The following HIPK2 variants were observed in gnomAD, a reference collection of about 807,000 sequenced individuals.
HIPK2 encodes the protein homeodomain-interacting protein kinase 2.
Under a neutral mutation model 113.7 loss-of-function variants are expected in HIPK2, and 27 were observed. The observed-to-expected ratio is 0.24, with a 90% CI of 0.17 to 0.33. HIPK2 has a LOEUF of 0.33. Ranked by LOEUF, HIPK2 falls within the 10% of genes least tolerant of loss-of-function variation. HIPK2 has a pLI of 1.00. For synonymous variants in HIPK2, 631 were observed against 642.2 expected (o/e 0.98, Z 0.26); for missense variants, 1,257 against 1,588.0 (o/e 0.79, Z 3.54).
In HIPK2 at chr7:139,717,691, A is replaced by G. The variant is rs1328176250; in HGVS notation, c.20-676T>C. Among the ~76,000 whole-genome samples the G allele has an allele frequency of 2.6e-5, 4 of 152,126 alleles. No homozygotes were observed. In the East Asian group the frequency reaches 5.8e-4, roughly 22 times the overall value. On this transcript the variant is annotated intron_variant, in intron 1 of 14. Coordinates refer to ENST00000406875, the MANE Select transcript of HIPK2 (RefSeq NM_022740.5). ...CACTCACGCTTCCTGCTAAATTCAT[A>G]TATCAATACATTTCTCTAGAAAGTA... is the stretch of plus-strand genomic sequence containing the variant.
At chr7:139,689,613 T>C (rs932064587) in intron 2 of HIPK2, among the ~76,000 whole-genome samples, 9 of 152,052 alleles carry the variant, frequency 5.9e-5, no homozygotes, top group Non-Finnish European at 1.0e-4. Flanking sequence ...TGTGCAGAAA[T>C]GTTTCTCACC....
intron 7 of HIPK2, among the ~76,000 whole-genome samples, chr7:139,614,832 A>G (rs964670330): frequency 1.3e-5 from 2 of 152,330 alleles, no homozygotes; most frequent in African/African-American, 4.8e-5. Flanking sequence ...TGTTTAATAA[A>G]ATGTTCTGCC....
intron 13 of HIPK2, among the ~76,000 whole-genome samples, chr7:139,582,305 T>G (rs1798692364): frequency 6.6e-6 from 1 of 152,202 alleles, no homozygotes; most frequent in South Asian, 2.1e-4. Flanking sequence ...ACCAGAATGC[T>G]CGCCCTGGCA....
chr7:139,753,923 A>G (rs1237136401), intron 1 of HIPK2, among the ~76,000 whole-genome samples: 1 of 152,258 alleles, frequency 6.6e-6, no homozygotes, highest in East Asian at 1.9e-4. Context: ...CTTGGAAATG[A>G]AGACTGGCAC....
At chr7:139,632,821 T>C (rs1800663860) in intron 2 of HIPK2, among the ~76,000 whole-genome samples, 1 of 152,060 alleles carries the variant, frequency 6.6e-6, no homozygotes, top group South Asian at 2.1e-4. Context: ...CTCATGCCTG[T>C]TATCCCAGCA....
intron 2 of HIPK2, among the ~76,000 whole-genome samples, chr7:139,688,757 C>T (rs1794305813): frequency 6.6e-6 from 1 of 152,038 alleles, no homozygotes; most frequent in South Asian, 2.1e-4. Context: ...CCTCTTCCCA[C>T]CTCCCACCTC....
chr7:139,626,467 G>C, intron 6 of HIPK2, 134 bp downstream of exon 6: 1 of 867,178 alleles, frequency 1.2e-6, no homozygotes, highest in Non-Finnish European at 1.8e-6. Flanking sequence ...TATTGCATCT[G>C]TGGCTGCTTT....
chr7:139,647,578 T>A (rs11761236), intron 2 of HIPK2, among the ~76,000 whole-genome samples: 29,745 of 152,142 alleles, frequency 0.2, 3,038 homozygotes, highest in South Asian at 0.23. Context: ...GGAGTTTGTA[T>A]CTATCTATCA....
chr7:139,592,556 G>C (rs1186201287), intron 12 of HIPK2, among the ~76,000 whole-genome samples: 1 of 152,170 alleles, frequency 6.6e-6, no homozygotes, highest in African/African-American at 2.4e-5. Flanking sequence ...GGGCAACATA[G>C]TGAGACACTG....
chr7:139,729,145 G>A (rs1795685771), intron 1 of HIPK2, among the ~76,000 whole-genome samples: 1 of 152,054 alleles, frequency 6.6e-6, no homozygotes. Flanking sequence ...GCAACATGGT[G>A]AAATCCTGTC....
At chr7:139,607,751 A>G (rs957604257) in intron 9 of HIPK2, among the ~76,000 whole-genome samples, 12 of 152,148 alleles carry the variant, frequency 7.9e-5, no homozygotes, top group African/African-American at 2.7e-4. Flanking sequence ...GAAAAGAGTG[A>G]GTGAAAGGAG....
intron 2 of HIPK2, among the ~76,000 whole-genome samples, chr7:139,634,664 T>C (rs932662013): frequency 2.7e-5 from 4 of 147,884 alleles, no homozygotes; most frequent in Non-Finnish European, 4.5e-5. Flanking sequence ...GAAGGGACTA[T>C]CTGTTTCAGG....
intron 11 of HIPK2, among the ~76,000 whole-genome samples, chr7:139,599,058 A>G (rs1799324391): frequency 6.6e-6 from 1 of 152,238 alleles, no homozygotes; most frequent in Non-Finnish European, 1.5e-5. Flanking sequence ...AGTTTCTGGT[A>G]TCTGCTTATA....
At position 139,570,900 on chromosome 7, in the gene HIPK2, T is replaced by G. The variant is rs1462930420; in HGVS notation, c.*2027A>C. 1 of 152,194 alleles carries G rather than the reference T, an allele frequency of 6.6e-6. No individual in the cohort carries two copies. The highest frequency in any genetic ancestry group is 6.5e-5 in the Admixed American group (1 of 15,284). The allele number at this position is 152,194 out of a possible 1,614,324, so 9.4% of individuals were successfully genotyped here. ...TCTCCTGCCATTCACATTCACATAT[T>G]TCAGAGTTATTTACTATGAAGAGAG... On this transcript the variant is annotated 3_prime_UTR_variant, in exon 15 of 15. Transcript: ENST00000406875.
intron 2 of HIPK2, among the ~76,000 whole-genome samples, chr7:139,649,267 G>A (rs186160600): frequency 3.9e-4 from 59 of 152,252 alleles, no homozygotes; most frequent in African/African-American, 1.2e-3. Context: ...TGCGGGGGGC[G>A]GGCCGATGCA....
chr7:139,682,443 A>G (rs1802737737), intron 2 of HIPK2, among the ~76,000 whole-genome samples: 1 of 152,188 alleles, frequency 6.6e-6, no homozygotes, highest in Non-Finnish European at 1.5e-5. Flanking sequence ...CACCTAGGAC[A>G]GAGATGTCAG....
intron 2 of HIPK2, among the ~76,000 whole-genome samples, chr7:139,700,419 G>A (rs1585393871): frequency 6.6e-6 from 1 of 152,190 alleles, no homozygotes; most frequent in African/African-American, 2.4e-5. Flanking sequence ...TATGATGACG[G>A]TCACAAAAAG....
intron 9 of HIPK2, among the ~76,000 whole-genome samples, chr7:139,610,428 CTCTGA>C: frequency 1.3e-5 from 2 of 152,296 alleles, no homozygotes; most frequent in African/African-American, 4.8e-5. Flanking sequence ...GTAGTTCTTT[CTCTGA>C]TCTATCTTGG....
At chr7:139,713,896 A>G (rs1209406437) in intron 2 of HIPK2, among the ~76,000 whole-genome samples, 3 of 152,218 alleles carry the variant, frequency 2.0e-5, no homozygotes, top group Non-Finnish European at 4.4e-5. Context: ...TCTACAGAGA[A>G]TATGTGCTGT....
Sources: gnomAD v4.1 joint callset for allele counts (sites outside exome capture counted in the v4.1 genomes callset) on GRCh38, gnomAD v4.1.1 for gene constraint, MANE v1.5 for transcripts, NCBI Gene and HGNC (gene_info 2026-07-23, HGNC 2026-07-21) for gene names.